DDHD1: variants seen among roughly 807,000 people sequenced by gnomAD.
DDHD1 encodes the protein phospholipase DDHD1.
Under a neutral mutation model 96.4 loss-of-function variants are expected in DDHD1, and 49 were observed. That is an observed-to-expected ratio of 0.51 (90% confidence interval 0.40 to 0.64). The LOEUF (loss-of-function observed/expected upper bound fraction) is 0.64, where lower values mean the gene tolerates loss of function less well. DDHD1 is among the 30% of genes least tolerant of loss of function. The probability of loss-of-function intolerance (pLI) is 0.00; values close to 1 mark genes in which losing one functional copy is unlikely to be tolerated. For missense variants in DDHD1, 1,106 were observed against 1,161.2 expected (o/e 0.95, Z 0.69); for synonymous variants, 442 against 446.5 (o/e 0.99, Z 0.13).
intron 1 of DDHD1, among the ~76,000 whole-genome samples, chr14:53,130,948 T>C (rs1267237208): frequency 6.6e-6 from 1 of 152,118 alleles, no homozygotes; most frequent in Non-Finnish European, 1.5e-5. Flanking sequence ...GGTAAGTTCA[T>C]CCCCTTCTTA....
chr14:53,127,044 A>T (rs1316351692), intron 1 of DDHD1, among the ~76,000 whole-genome samples: 1 of 152,248 alleles, frequency 6.6e-6, no homozygotes, highest in African/African-American at 2.4e-5. Context: ...GTCAAAATTC[A>T]TAATGCTAAC....
rs558708846 is a variant in DDHD1 at position 53,103,511 on chromosome 14, A to G, written c.1012+172T>C. ...ATTAAAATAAAAATTGAGATAGTTC[A>G]GATATTTATAGTAGTTAATTTTTAA... On this transcript the variant is annotated intron_variant, in intron 2 of 12. Coordinates refer to ENST00000673822, the MANE Select transcript of DDHD1 (RefSeq NM_001160148.2). 110 of 536,248 alleles carry G rather than the reference A, an allele frequency of 2.1e-4. No individual in the cohort carries two copies. In the African/African-American group the frequency reaches 2.1e-3, roughly 10 times the overall value. The allele number at this position is 536,248 out of a possible 1,614,324, so 33.2% of individuals were successfully genotyped here. A position where few individuals can be genotyped will look rare whatever the true frequency, so the allele number is the denominator to read the frequency against.
intron 3 of DDHD1, chr14:53,092,862 GA>G (rs879666568): frequency 2.6e-3 from 368 of 142,428 alleles, no homozygotes; most frequent in African/African-American, 7.1e-3. Context: ...AATAAAAGAA[GA>G]AAAAAAAAAA....
chr14:53,095,067 A>G lies in DDHD1; in HGVS notation c.1013-1623T>C, dbSNP rs181105329. Reference sequence around the variant, plus strand: ...CCACAAATACAGCAATGTTTGTGGAAGTAGTGAAGAAATTGATATAACATA... The same window carrying G: ...CCACAAATACAGCAATGTTTGTGGAGGTAGTGAAGAAATTGATATAACATA... On this transcript the variant is annotated intron_variant, in intron 2 of 12. Coordinates refer to ENST00000673822, the MANE Select transcript of DDHD1 (RefSeq NM_001160148.2). Among the ~76,000 whole-genome samples, 6 of 152,312 alleles carry G rather than the reference A, an allele frequency of 3.9e-5. No individual in the cohort carries two copies. In the East Asian group the frequency reaches 1.2e-3, roughly 29 times the overall value.
chr14:53,097,008 G>A (rs1415572980), intron 2 of DDHD1, among the ~76,000 whole-genome samples: 1 of 151,798 alleles, frequency 6.6e-6, no homozygotes, highest in Non-Finnish European at 1.5e-5. Flanking sequence ...GTCAAATTTT[G>A]GTAGTTATAT....
In DDHD1 at chr14:53,152,786, C is replaced by T. The variant is rs1157972523; in HGVS notation, c.313G>A (p.Glu105Lys). Residue 105 changes from glutamate (E) to lysine (K), a missense_variant, in exon 1 of 13, where the codon GAG becomes AAG. By Grantham distance (56) the Glu-to-Lys change is moderately conservative. Transcript: ENST00000673822. ...CTGCCGCCGCCGCCGCTCTCACCCT[C>T]GCTGTAGTAGCGCAGCGAGGAGCCC... ...ESGSSLRYYS[E>K]GESGGGGSSL... 3 of 1,607,220 alleles carry T rather than the reference C, an allele frequency of 1.9e-6. No individual in the cohort carries two copies. Among genetic ancestry groups the T allele is most frequent in the African/African-American group, 1.3e-5 (1 of 74,452 alleles).
At chr14:53,078,022 C>G (rs1885124962) in intron 4 of DDHD1, among the ~76,000 whole-genome samples, 1 of 152,132 alleles carries the variant, frequency 6.6e-6, no homozygotes. Context: ...TGTTTAGCCG[C>G]TCATCAGTTG....
intron 1 of DDHD1, 148 bp downstream of exon 1, chr14:53,152,113 G>GAATGACAGGGTGTAGAT: frequency 2.4e-6 from 2 of 833,732 alleles, no homozygotes; most frequent in Non-Finnish European, 3.6e-6. Context: ...AGCTGCCGAC[G>GAATGACAGGGTGTAGAT]CTCCCTGCTC....
rs180733328 is a variant in DDHD1 at position 53,044,381 on chromosome 14, G to A, written c.*2387C>T. The stretch of plus-strand genomic sequence containing the variant: ...GCTATAGGAACATACCTTTTACTCA[G>A]TGATATCAAATTAAAAGGTCTGACA... On this transcript the variant is annotated 3_prime_UTR_variant, in exon 13 of 13. Coordinates refer to ENST00000673822, the MANE Select transcript of DDHD1 (RefSeq NM_001160148.2). 1.3e-5 allele frequency: 2 copies of A among 152,238 alleles called. No homozygotes were observed. The highest frequency in any genetic ancestry group is 6.5e-5 in the Admixed American group (1 of 15,296). The allele number at this position is 152,238 out of a possible 1,614,324, so 9.4% of individuals were successfully genotyped here. A position where few individuals can be genotyped will look rare whatever the true frequency, so the allele number is the denominator to read the frequency against.
chr14:53,061,142 G>T lies in DDHD1; in HGVS notation c.1826C>A (p.Pro609His). 6.2e-7 allele frequency: 1 copy of T among 1,608,474 alleles called. No individual in the cohort carries two copies. The highest frequency in any genetic ancestry group is 8.5e-7 in the Non-Finnish European group (1 of 1,178,656). Reference sequence around the variant, plus strand: ...TTTCCTTACCTTAAATTTTAAGGCAGGTGTTTGTGTCATAGATGATGCTTT... The same window carrying T: ...TTTCCTTACCTTAAATTTTAAGGCATGTGTTTGTGTCATAGATGATGCTTT... ...GLKASSMTQTPALKFKVENFF... is the reference protein window; with the variant it reads ...GLKASSMTQTHALKFKVENFF... The change falls in exon 8 of 13, where the codon CCT becomes CAT. Residue 609 changes from proline (P) to histidine (H), a missense_variant. Transcript: ENST00000673822.
chr14:53,146,315 C>A (rs1345591293), intron 1 of DDHD1, among the ~76,000 whole-genome samples: 1 of 151,602 alleles, frequency 6.6e-6, no homozygotes, highest in African/African-American at 2.4e-5. Flanking sequence ...ATCAGCCTGG[C>A]CAAAACGGTG....
At chr14:53,093,558 G>T in intron 2 of DDHD1, 114 bp from the exon 3 acceptor site, 1 of 1,353,588 alleles carries the variant, frequency 7.4e-7, no homozygotes, top group Non-Finnish European at 1.0e-6. Flanking sequence ...ACTCAGATAT[G>T]GAACTTAATT....
intron 4 of DDHD1, among the ~76,000 whole-genome samples, chr14:53,088,901 T>C (rs564245964): frequency 6.0e-4 from 91 of 152,332 alleles, no homozygotes; most frequent in Non-Finnish European, 1.1e-3. Flanking sequence ...GCAGATGACA[T>C]GATTGTATAT....
rs1881789659 is a variant in DDHD1, at chr14:53,043,384, G to C, written c.*3384C>G. ...TTCACATACAAAAGAGCAGTTATTA[G>C]AACATCCAGTGTGTGTGTGTGTGTG... On this transcript the variant is annotated 3_prime_UTR_variant, in exon 13 of 13. Transcript: ENST00000673822. The C allele has an allele frequency of 7.6e-6, 1 of 130,850 alleles. No homozygotes were observed. The highest frequency in any genetic ancestry group is 2.3e-4 in the East Asian group (1 of 4,352). 8.1% of individuals were successfully genotyped at this position (130,850 alleles called of 1,614,324 possible).
chr14:53,089,284 T>C (rs1295985519), intron 4 of DDHD1, among the ~76,000 whole-genome samples: 1 of 152,294 alleles, frequency 6.6e-6, no homozygotes, highest in East Asian at 1.9e-4. Context: ...AAGCTACCAA[T>C]GACTTTCTTC....
At chr14:53,140,927 T>G (rs577134202) in intron 1 of DDHD1, among the ~76,000 whole-genome samples, 1 of 152,174 alleles carries the variant, frequency 6.6e-6, no homozygotes, top group South Asian at 2.1e-4. Flanking sequence ...TATATTAGTA[T>G]CAAATAAAGT....
chr14:53,144,449 C>A (rs1890843035), intron 1 of DDHD1, among the ~76,000 whole-genome samples: 1 of 152,220 alleles, frequency 6.6e-6, no homozygotes, highest in Non-Finnish European at 1.5e-5. Context: ...AGTGCTTCAG[C>A]AACCACACTG....
chr14:53,054,343 G>C, intron 11 of DDHD1, 95 bp downstream of exon 11: 1 of 1,075,362 alleles, frequency 9.3e-7, no homozygotes, highest in Non-Finnish European at 1.3e-6. Flanking sequence ...AGATCTTAGA[G>C]TTGACTAGCT....
chr14:53,094,315 T>G (rs762814368), intron 2 of DDHD1, among the ~76,000 whole-genome samples: 200 of 152,338 alleles, frequency 1.3e-3, no homozygotes, highest in Non-Finnish European at 1.7e-3. Context: ...AGCCAATAAT[T>G]ATTGGATATT....
Sources: allele counts gnomAD v4.1 joint callset (sites outside exome capture counted in the v4.1 genomes callset), GRCh38; gene constraint gnomAD v4.1.1; transcripts MANE v1.5; gene names NCBI Gene and HGNC (gene_info 2026-07-23, HGNC 2026-07-21).